The following RGS6 variants were observed in gnomAD, a reference collection of about 807,000 sequenced individuals.
RGS6 encodes regulator of G-protein signaling 6.
RGS6 carries 30 observed loss-of-function variants against 78.5 expected under a neutral mutation model. The ratio of observed to expected loss-of-function variants is 0.38; its 90% CI spans 0.29 to 0.52. RGS6 has a LOEUF of 0.52. RGS6 is among the 20% of genes least tolerant of loss of function. RGS6 has a pLI of 0.85. For synonymous variants in RGS6, 206 were observed against 206.0 expected (o/e 1.00, Z 0.00); for missense variants, 495 against 609.7 (o/e 0.81, Z 1.98).
At chr14:72,038,211 C>G (rs561601785) in intron 2 of RGS6, among the ~76,000 whole-genome samples, 1 of 152,268 alleles carries the variant, frequency 6.6e-6, no homozygotes, top group East Asian at 1.9e-4. Context: ...CTCAATCAAT[C>G]CGCCTGCCTC....
In RGS6 at chr14:72,111,994, A is replaced by T. The variant is rs184537747; in HGVS notation, c.84+147119A>T. 1.5e-3 allele frequency among the ~76,000 whole-genome samples: 228 copies of T among 152,296 alleles called. 1 individual carries two copies. The highest frequency in any genetic ancestry group is 5.4e-3 in the African/African-American group (224 of 41,546). ...TTACTTTTCTCCTTGGCTACAGTGCAATTTGGCTCTTTGGTTTAATCCCCT... is the reference window on the plus strand; with the variant it reads ...TTACTTTTCTCCTTGGCTACAGTGCTATTTGGCTCTTTGGTTTAATCCCCT... On this transcript the variant is annotated intron_variant, in intron 2 of 17. Coordinates refer to ENST00000553525, the MANE Select transcript of RGS6 (RefSeq NM_001204424.2).
the RGS6 span, among the ~76,000 whole-genome samples, chr14:72,574,313 C>G: frequency 7.9e-5 from 12 of 152,214 alleles, no homozygotes; most frequent in Non-Finnish European, 1.3e-4. Flanking sequence ...TGTTCTGTGA[C>G]TTTCCCCAGT....
At chr14:72,207,656 T>C (rs1352343229) in intron 2 of RGS6, among the ~76,000 whole-genome samples, 4 of 152,222 alleles carry the variant, frequency 2.6e-5, no homozygotes, top group Non-Finnish European at 5.9e-5. Context: ...CCCAGGCTTA[T>C]TCTCACTCTG....
intron 2 of RGS6, among the ~76,000 whole-genome samples, chr14:72,250,495 A>G (rs1245080222): frequency 6.6e-6 from 1 of 152,058 alleles, no homozygotes; most frequent in East Asian, 1.9e-4. Flanking sequence ...CTATGAAGTA[A>G]AATAAATCAT....
chr14:71,925,712 C>CATATTATATTT, the RGS6 span, among the ~76,000 whole-genome samples: 1 of 96,256 alleles, frequency 1.0e-5, no homozygotes. Context: ...TAGATGACTT[C>CATATTATATTT]ATATTATATT....
intron 3 of RGS6, among the ~76,000 whole-genome samples, chr14:72,415,796 CTCTG>C (rs2093766521): frequency 6.6e-6 from 1 of 152,202 alleles, no homozygotes; most frequent in Non-Finnish European, 1.5e-5. Context: ...TTTTACTCCT[CTCTG>C]TCTCTGTTTA....
intron 2 of RGS6, among the ~76,000 whole-genome samples, chr14:72,146,679 G>T (rs34600660): frequency 0.048 from 7,341 of 152,192 alleles, 250 homozygotes; most frequent in South Asian, 0.082. Flanking sequence ...ACATAAAGTC[G>T]TAAATCTGGA....
intron 3 of RGS6, among the ~76,000 whole-genome samples, chr14:72,439,019 G>C (rs1022579970): frequency 3.9e-5 from 6 of 152,140 alleles, no homozygotes; most frequent in Non-Finnish European, 7.4e-5. Flanking sequence ...CCTCCAAAGA[G>C]TCACACGACC....
intron 2 of RGS6, among the ~76,000 whole-genome samples, chr14:72,229,338 A>C (rs1202793272): frequency 1.8e-5 from 2 of 110,918 alleles, no homozygotes; most frequent in African/African-American, 7.2e-5. Flanking sequence ...TCCTGTCCCC[A>C]TGCTCCCCTG....
At position 72,352,104 on chromosome 14, in the gene RGS6, A is replaced by C. The variant is rs142585378; in HGVS notation, c.94A>C (p.Ile32Leu). The change falls in exon 3 of 18, where the codon ATC becomes CTC. Residue 32 changes from isoleucine to leucine, a missense_variant. Physicochemically the swap from Ile to Leu is conservative, Grantham distance 5. Transcript: ENST00000553525. ...NMIVYCKIED[I>L]ITKMQDDKTG... ...CTTTAACCTCTTTCAGATTGAAGAC[A>C]TCATTACAAAGATGCAAGATGACAA... 26 of 1,611,788 alleles carry C rather than the reference A, an allele frequency of 1.6e-5. No homozygotes were observed. The highest frequency in any genetic ancestry group is 2.7e-5 in the African/African-American group (2 of 74,878).
intron 2 of RGS6, among the ~76,000 whole-genome samples, chr14:72,272,535 A>G (rs932658449): frequency 9.2e-5 from 14 of 152,178 alleles, no homozygotes; most frequent in Non-Finnish European, 1.8e-4. Flanking sequence ...AAATGGAGAG[A>G]GGCTAGCCTG....
At chr14:72,222,859 G>A (rs1238152534) in intron 2 of RGS6, among the ~76,000 whole-genome samples, 2 of 152,056 alleles carry the variant, frequency 1.3e-5, no homozygotes, top group African/African-American at 2.4e-5. Flanking sequence ...TCAATTGAAC[G>A]GCCTTCAAGT....
intron 13 of RGS6, among the ~76,000 whole-genome samples, chr14:72,497,854 C>G (rs543001731): frequency 7.8e-6 from 1 of 127,958 alleles, no homozygotes; most frequent in Admixed American, 7.0e-5. Context: ...AAAATTATTG[C>G]TGCTTTTTTT....
intron 2 of RGS6, among the ~76,000 whole-genome samples, chr14:72,192,984 T>G (rs1034970483): frequency 3.3e-5 from 5 of 151,688 alleles, no homozygotes; most frequent in Admixed American, 1.3e-4. Context: ...GGTTGGGTTT[T>G]TTTTTTTTTT....
chr14:72,431,522 T>C (rs1239558628), intron 3 of RGS6, among the ~76,000 whole-genome samples: 1 of 130,148 alleles, frequency 7.7e-6, no homozygotes, highest in Non-Finnish European at 1.6e-5. Context: ...TTTATTTTGT[T>C]TTATTTATTT....
At chr14:71,939,409 G>A (rs1389682505) in intron 1 of RGS6, among the ~76,000 whole-genome samples, 6 of 152,214 alleles carry the variant, frequency 3.9e-5, no homozygotes, top group African/African-American at 1.2e-4. Flanking sequence ...TCAGCATAAC[G>A]TCAATGTAAT....
chr14:72,389,495 C>G (rs1316198098), intron 3 of RGS6, among the ~76,000 whole-genome samples: 2 of 152,090 alleles, frequency 1.3e-5, no homozygotes, highest in Non-Finnish European at 2.9e-5. Context: ...GTTAATTTAT[C>G]AAAATACATT....
At chr14:72,090,704 GTCT>G (rs559282817) in intron 2 of RGS6, among the ~76,000 whole-genome samples, 249 of 152,280 alleles carry the variant, frequency 1.6e-3, no homozygotes, top group Middle Eastern at 3.4e-3. Context: ...GAAAAGGTGG[GTCT>G]TCTTAGAGGT....
At position 72,200,961 on chromosome 14, in the gene RGS6, TAAA is replaced by T. The variant is rs10577203; in HGVS notation, c.85-151110_85-151108del. Among the ~76,000 whole-genome samples, 273 of 121,616 alleles carry T rather than the reference TAAA, an allele frequency of 2.2e-3. 2 individuals are homozygous for T. Among genetic ancestry groups the T allele is most frequent in the African/African-American group, 7.8e-3 (231 of 29,676 alleles). 79.8% of individuals were successfully genotyped at this position (121,616 alleles called of 152,430 possible). Reference sequence around the variant, plus strand: ...TACTTACTCCTGAATGTGCTCTGCTTAAAAAAAAAAAAAAAAAAAAAAAAAAGA... The same window carrying T: ...TACTTACTCCTGAATGTGCTCTGCTTAAAAAAAAAAAAAAAAAAAAAAAGA... On this transcript the variant is annotated intron_variant, in intron 2 of 17. Coordinates refer to ENST00000553525, the MANE Select transcript of RGS6 (RefSeq NM_001204424.2).
Sources: gnomAD v4.1 joint callset for allele counts (sites outside exome capture counted in the v4.1 genomes callset) on GRCh38, gnomAD v4.1.1 for gene constraint, MANE v1.5 for transcripts, NCBI Gene and HGNC (gene_info 2026-07-23, HGNC 2026-07-21) for gene names.